RABL6: variants seen among roughly 807,000 people sequenced by gnomAD.
RABL6 encodes RAB, member RAS oncogene family like 6.
In RABL6, 28 loss-of-function variants were observed where a neutral mutation model predicts 72.9. The ratio of observed to expected loss-of-function variants is 0.38; its 90% CI spans 0.28 to 0.53. RABL6 has a LOEUF of 0.53. Ranked by LOEUF, RABL6 falls within the 20% of genes least tolerant of loss-of-function variation. RABL6 has a pLI of 0.80. For synonymous variants in RABL6, 477 were observed against 421.2 expected (o/e 1.13, Z -1.62); for missense variants, 1,029 against 1,008.4 (o/e 1.02, Z -0.28).
intron 1 of RABL6, among the ~76,000 whole-genome samples, chr9:136,819,497 A>AT (rs914759992): frequency 8.6e-5 from 13 of 151,772 alleles, no homozygotes; most frequent in South Asian, 2.1e-4. Context: ...GATTCGAGGA[A>AT]TTTTTTTTTC....
chr9:136,832,495 TG>T, intron 7 of RABL6, 125 bp downstream of exon 7: 1 of 847,012 alleles, frequency 1.2e-6, no homozygotes, highest in Non-Finnish European at 2.0e-6. Context: ...GGAGATTGGC[TG>T]CTGGCAAGGG....
At chr9:136,822,579 C>T (rs1338435959) in intron 1 of RABL6, among the ~76,000 whole-genome samples, 1 of 152,208 alleles carries the variant, frequency 6.6e-6, no homozygotes, top group Non-Finnish European at 1.5e-5. Flanking sequence ...GTGCCAGGTC[C>T]ATCCCCATCT....
rs779299268 is a variant in RABL6 at position 136,840,188 on chromosome 9, G to C, written c.1965G>C (p.Lys655Asn). 23 of 1,612,878 alleles carry C rather than the reference G, an allele frequency of 1.4e-5. No individual in the cohort carries two copies. The highest frequency in any genetic ancestry group is 1.9e-5 in the Non-Finnish European group (22 of 1,179,836). The change falls in exon 14 of 15, where the codon AAG (lysine) becomes AAC (asparagine). Residue 655 changes from lysine (K) to asparagine (N), a missense_variant. Physicochemically the swap from Lys to Asn is moderately conservative, Grantham distance 94. Coordinates refer to ENST00000311502, the MANE Select transcript of RABL6 (RefSeq NM_024718.5). ...GCAAAACCCCCTCTAAGGAGAAGAA[G>C]AAGAAGAAGAAAAAAGGCAAAGAGG... ...KEGKTPSKEK[K>N]KKKKKGKEEE...
rs1848558214 is a variant in RABL6, at chr9:136,834,931, A to AC, written c.706-811_706-810insC. Among the ~76,000 whole-genome samples the AC allele has an allele frequency of 2.2e-5, 3 of 137,192 alleles. No individual in the cohort carries two copies. In the South Asian group the frequency reaches 6.8e-4, roughly 31 times the overall value. 90.0% of individuals were successfully genotyped at this position (137,192 alleles called of 152,430 possible). A position where few individuals can be genotyped will look rare whatever the true frequency, so the allele number is the denominator to read the frequency against. ...TATAATATAGCATGACCCTGTTCTA[A>AC]AAAAAAAAAAAAAAAAAAAATCTCT... On this transcript the variant is annotated intron_variant, in intron 7 of 14. Coordinates refer to ENST00000311502, the MANE Select transcript of RABL6 (RefSeq NM_024718.5).
At chr9:136,828,589 C>T (rs760460614) in intron 4 of RABL6, 43 bp downstream of exon 4, 166 of 1,596,766 alleles carry the variant, frequency 1.0e-4, no homozygotes, top group South Asian at 1.0e-3. Context: ...CTCAGGGCCC[C>T]GGGGTGCGTG....
intron 7 of RABL6, chr9:136,833,614 C>G: frequency 1.3e-6 from 2 of 1,485,708 alleles, no homozygotes; most frequent in Non-Finnish European, 1.8e-6. Context: ...CTGGGCTGCC[C>G]CAGCTGGGTC....
At chr9:136,837,023 G>A (rs920082603) in intron 8 of RABL6, 12 of 446,040 alleles carry the variant, frequency 2.7e-5, no homozygotes, top group Middle Eastern at 1.3e-3. Flanking sequence ...ACAGGCACCC[G>A]CCACCACACC....
At chr9:136,808,818 A>G (rs1447700889) in intron 1 of RABL6, 1 of 143,396 alleles carries the variant, frequency 7.0e-6, no homozygotes, top group African/African-American at 2.6e-5. Context: ...ACAGAATATT[A>G]GCTACGCCAC....
intron 2 of RABL6, among the ~76,000 whole-genome samples, chr9:136,825,190 C>T (rs942349911): frequency 1.3e-5 from 2 of 152,226 alleles, no homozygotes; most frequent in Non-Finnish European, 2.9e-5. Flanking sequence ...AGGGAGGGTC[C>T]GGCCTCCGCC....
chr9:136,808,555 C>T, intron 1 of RABL6: 1 of 280,886 alleles, frequency 3.6e-6, no homozygotes. Flanking sequence ...CCCAGCCGCA[C>T]TCGCCTGCCG....
At chr9:136,817,580 G>GGCCGACGTGGGCTGAGGGGAA (rs1848146142) in intron 1 of RABL6, among the ~76,000 whole-genome samples, 1 of 151,562 alleles carries the variant, frequency 6.6e-6, no homozygotes. Flanking sequence ...GCTGTGGGGA[G>GGCCGACGTGGGCTGAGGGGAA]GCCGACGTGG....
At chr9:136,828,602 C>G in intron 4 of RABL6, 56 bp downstream of exon 4, 1 of 1,569,914 alleles carries the variant, frequency 6.4e-7, no homozygotes, top group Non-Finnish European at 8.7e-7. Context: ...GGTGCGTGAG[C>G]CGGTGCCCAG....
chr9:136,818,926 C>T (rs893869422), intron 1 of RABL6, among the ~76,000 whole-genome samples: 3 of 152,332 alleles, frequency 2.0e-5, no homozygotes, highest in South Asian at 2.1e-4. Context: ...TCAGACTTCA[C>T]TGCAGCAGAT....
In RABL6 at chr9:136,834,826, G is replaced by T. The variant is rs537226693; in HGVS notation, c.706-916G>T. Among the ~76,000 whole-genome samples, 16 of 151,496 alleles carry T rather than the reference G, an allele frequency of 1.1e-4. No homozygotes were observed. In the South Asian group the frequency reaches 3.3e-3, roughly 32 times the overall value. ...CTCCAGGCTGGGCGCAGTGGCTCAC[G>T]CCTATAATCCCAGCTGTTAGGGAGG... On this transcript the variant is annotated intron_variant, in intron 7 of 14. Coordinates refer to ENST00000311502, the MANE Select transcript of RABL6 (RefSeq NM_024718.5).
chr9:136,811,163 G>T (rs935020829), intron 1 of RABL6, among the ~76,000 whole-genome samples: 4 of 152,204 alleles, frequency 2.6e-5, no homozygotes, highest in African/African-American at 7.2e-5. Flanking sequence ...TAGCCCTCAG[G>T]TGACCCTGAG....
In RABL6 at chr9:136,831,836, C is replaced by G. The variant is rs757581080; in HGVS notation, c.574C>G (p.Arg192Gly). 4.3e-6 allele frequency: 7 copies of G among 1,612,458 alleles called. No individual in the cohort carries two copies. Among genetic ancestry groups the G allele is most frequent in the Non-Finnish European group, 5.9e-6 (7 of 1,179,402 alleles). ...CCGAGTCATCCTGCCGGACGACGTGCGTGACTTCATCGACAACCTGGACAG... is the reference window on the plus strand; with the variant it reads ...CCGAGTCATCCTGCCGGACGACGTGGGTGACTTCATCGACAACCTGGACAG... ...EHRVILPDDV[R>G]DFIDNLDRPP... Residue 192 changes from arginine to glycine, a missense_variant, in exon 6 of 15, where the codon CGT (arginine) becomes GGT (glycine). Transcript: ENST00000311502.
intron 2 of RABL6, among the ~76,000 whole-genome samples, chr9:136,824,492 G>A (rs1029670049): frequency 6.6e-6 from 1 of 151,778 alleles, no homozygotes; most frequent in Non-Finnish European, 1.5e-5. Flanking sequence ...ACCACACCCA[G>A]CTAATTATTT....
At chr9:136,830,308 A>AG (rs971056950) in intron 5 of RABL6, among the ~76,000 whole-genome samples, 3 of 152,240 alleles carry the variant, frequency 2.0e-5, no homozygotes, top group Non-Finnish European at 2.9e-5. Context: ...CCCAGGCCTG[A>AG]GGGCGGCTTG....
At position 136,835,859 on chromosome 9, in the gene RABL6, C is replaced by G. The variant is rs1031072878; in HGVS notation, c.809+14C>G. The G allele has an allele frequency of 5.2e-6, 8 of 1,549,000 alleles. No individual in the cohort carries two copies. The highest frequency in any genetic ancestry group is 7.0e-6 in the Non-Finnish European group (8 of 1,146,990). Reference sequence around the variant, plus strand: ...GAACTACGGCATGTATGTGGCCGGACCCGCCCGTGCGGGCGGTGTGGGGGC... The same window carrying G: ...GAACTACGGCATGTATGTGGCCGGAGCCGCCCGTGCGGGCGGTGTGGGGGC... On this transcript the variant is annotated intron_variant, in intron 8 of 14. Coordinates refer to ENST00000311502, the MANE Select transcript of RABL6 (RefSeq NM_024718.5).
Sources: gnomAD v4.1 joint callset for allele counts (sites outside exome capture counted in the v4.1 genomes callset) on GRCh38, gnomAD v4.1.1 for gene constraint, MANE v1.5 for transcripts, NCBI Gene and HGNC (gene_info 2026-07-23, HGNC 2026-07-21) for gene names.